The following SIRPA variants were observed in gnomAD, a reference collection of about 807,000 sequenced individuals.
SIRPA encodes the protein signal regulatory protein alpha.
SIRPA carries 9 observed loss-of-function variants against 50.3 expected under a neutral mutation model. The observed-to-expected ratio is 0.18, with a 90% CI of 0.11 to 0.31. SIRPA has a LOEUF of 0.31. Ranked by LOEUF, SIRPA falls within the 10% of genes least tolerant of loss-of-function variation. The probability of loss-of-function intolerance (pLI) is 1.00; values close to 1 mark genes in which losing one functional copy is unlikely to be tolerated. For synonymous variants in SIRPA, 265 were observed against 284.1 expected (o/e 0.93, Z 0.68); for missense variants, 474 against 661.6 (o/e 0.72, Z 3.11).
At chr20:1,902,863 T>G (rs1347531840) in intron 1 of SIRPA, among the ~76,000 whole-genome samples, 1 of 151,902 alleles carries the variant, frequency 6.6e-6, no homozygotes, top group Non-Finnish European at 1.5e-5. Flanking sequence ...AATACAAAAA[T>G]TAGCCGGGCA....
chr20:1,898,035 A>G lies in SIRPA; in HGVS notation c.79+2509A>G, dbSNP rs951599973. ...GCAGGATGCCTGCTTGGCCCCAGGT[A>G]GGCCTTGAGACCTCTGAGTCACCCC... On this transcript the variant is annotated intron_variant, in intron 1 of 7. Coordinates refer to ENST00000358771, the MANE Select transcript of SIRPA (RefSeq NM_001040023.2). The surrounding 1 kb of genome is among the most constrained non-coding windows in gnomAD (Gnocchi z 4.3). Among the ~76,000 whole-genome samples, 178 of 152,318 alleles carry G rather than the reference A, an allele frequency of 1.2e-3. No homozygotes were observed. The highest frequency in any genetic ancestry group is 4.1e-3 in the African/African-American group (172 of 41,568).
Position 1,928,292 on chromosome 20 carries a change from G to A in SIRPA, c.1226+393G>A, listed in dbSNP as rs954404470. 3.9e-5 allele frequency among the ~76,000 whole-genome samples: 6 copies of A among 152,156 alleles called. No homozygotes were observed. Among genetic ancestry groups the A allele is most frequent in the Admixed American group, 1.3e-4 (2 of 15,278 alleles). On this transcript the variant is annotated intron_variant, in intron 6 of 7. Transcript: ENST00000358771. The surrounding 1 kb of genome is among the most constrained non-coding windows in gnomAD (Gnocchi z 4.9). ...TTAGTAAATATTTATTGAGTACCTT[G>A]GCGTGCTGTGACCCTGGAATGCCGG...
intron 6 of SIRPA, among the ~76,000 whole-genome samples, chr20:1,931,345 G>A (rs1986287341): frequency 6.6e-6 from 1 of 152,204 alleles, no homozygotes; most frequent in Non-Finnish European, 1.5e-5. Context: ...CATTCCCGAG[G>A]TCCTGCGGCT....
At chr20:1,899,900 T>G (rs547188840) in intron 1 of SIRPA, among the ~76,000 whole-genome samples, 11 of 152,348 alleles carry the variant, frequency 7.2e-5, no homozygotes, top group African/African-American at 2.6e-4. Flanking sequence ...TTGTATGTAG[T>G]AAGCACTCAA....
intron 7 of SIRPA, among the ~76,000 whole-genome samples, chr20:1,935,268 T>A (rs1986513948): frequency 6.6e-6 from 1 of 152,214 alleles, no homozygotes; most frequent in African/African-American, 2.4e-5. Context: ...AGGTTTCTGG[T>A]CAGCATTGCT....
intron 1 of SIRPA, among the ~76,000 whole-genome samples, chr20:1,902,274 C>CCTGA (rs1454145538): frequency 6.6e-6 from 1 of 152,082 alleles, no homozygotes; most frequent in Non-Finnish European, 1.5e-5. Flanking sequence ...TGAGCTGTTA[C>CCTGA]CTGACCCTCA....
chr20:1,917,480 C>T (rs149235700), intron 2 of SIRPA, among the ~76,000 whole-genome samples: 14 of 152,274 alleles, frequency 9.2e-5, no homozygotes, highest in African/African-American at 3.4e-4. Flanking sequence ...ACGGAGATTA[C>T]AGTGAGCCGA....
At chr20:1,912,901 C>T (rs1293097340) in intron 1 of SIRPA, among the ~76,000 whole-genome samples, 2 of 152,248 alleles carry the variant, frequency 1.3e-5, no homozygotes, top group Admixed American at 1.3e-4. Flanking sequence ...CTCAGTGCTG[C>T]TGGTGCTGCC....
intron 1 of SIRPA, among the ~76,000 whole-genome samples, chr20:1,909,777 C>T (rs1057164698): frequency 2.6e-5 from 4 of 152,006 alleles, no homozygotes; most frequent in Non-Finnish European, 5.9e-5. Context: ...AGTGAGACTT[C>T]GTCTCAAAAG....
intron 2 of SIRPA, 27 bp from the exon 3 acceptor site, chr20:1,921,368 T>A (rs761839844): frequency 1.9e-6 from 3 of 1,611,174 alleles, no homozygotes; most frequent in Non-Finnish European, 2.5e-6. Flanking sequence ...GAGTCATGTC[T>A]CCTGATTATC....
At chr20:1,909,508 G>T (rs1020088551) in intron 1 of SIRPA, among the ~76,000 whole-genome samples, 3 of 152,206 alleles carry the variant, frequency 2.0e-5, no homozygotes, top group African/African-American at 7.2e-5. Context: ...TGGGCAGGGC[G>T]CAGTGGCTCA....
rs1185654533 is a variant in SIRPA, at chr20:1,937,050, G to A, written c.1267-270G>A. Among the ~76,000 whole-genome samples the A allele has an allele frequency of 6.6e-6, 1 of 152,188 alleles. No individual in the cohort carries two copies. On this transcript the variant is annotated intron_variant, in intron 7 of 7. Transcript: ENST00000358771. This position sits in a 1 kb window ranked among gnomAD's most constrained non-coding sequence, Gnocchi z 8.3. Reference sequence around the variant, plus strand: ...AGGCTAGGAGGAGGCAGGAACGGGAGGAGGTGACACTGAGGCGGGGCTGTG... The same window carrying A: ...AGGCTAGGAGGAGGCAGGAACGGGAAGAGGTGACACTGAGGCGGGGCTGTG...
chr20:1,894,900 A>AGCGGCCGGGACTGCGGGCC (rs1342857914), upstream of SIRPA: 2 of 145,168 alleles, frequency 1.4e-5, no homozygotes, highest in Non-Finnish European at 3.1e-5. The surrounding 1 kb of genome is among the most constrained non-coding windows in gnomAD (Gnocchi z 4.0). Flanking sequence ...GGGCGGGGGC[A>AGCGGCCGGGACTGCGGGCC]GCGGCCGGGA....
At chr20:1,895,654 T>C in intron 1 of SIRPA, 128 bp downstream of exon 1, 1 of 700,382 alleles carries the variant, frequency 1.4e-6, no homozygotes, top group Non-Finnish European at 2.1e-6. Context: ...TAACCAGGGT[T>C]ATAGATGCAG....
chr20:1,915,870 G>A (rs1985255167), intron 2 of SIRPA, among the ~76,000 whole-genome samples: 2 of 152,222 alleles, frequency 1.3e-5, no homozygotes, highest in Non-Finnish European at 2.9e-5. Flanking sequence ...CCTACTGTGT[G>A]CCAGGCTCCG....
chr20:1,930,481 CT>C (rs879154176), intron 6 of SIRPA, among the ~76,000 whole-genome samples: 1 of 152,272 alleles, frequency 6.6e-6, no homozygotes, highest in Admixed American at 6.5e-5. Context: ...TCCTAAACCA[CT>C]GTAGCACGTC....
intron 5 of SIRPA, among the ~76,000 whole-genome samples, chr20:1,925,117 G>A (rs1032846206): frequency 5.9e-5 from 9 of 152,152 alleles, no homozygotes; most frequent in African/African-American, 1.9e-4. Flanking sequence ...TGTCCTCAAG[G>A]GGCCACTACT....
chr20:1,914,035 C>A (rs1202583488), intron 1 of SIRPA, among the ~76,000 whole-genome samples: 1 of 152,150 alleles, frequency 6.6e-6, no homozygotes, highest in African/African-American at 2.4e-5. Flanking sequence ...CAGTGTGTCC[C>A]CATCACAGTG....
intron 7 of SIRPA, among the ~76,000 whole-genome samples, chr20:1,935,590 G>GA (rs1986532644): frequency 6.6e-6 from 1 of 152,178 alleles, no homozygotes; most frequent in African/African-American, 2.4e-5. Context: ...TTGTAATTAA[G>GA]AAAAAACAAT....
Sources: gnomAD v4.1 joint callset for allele counts (sites outside exome capture counted in the v4.1 genomes callset) on GRCh38, gnomAD v4.1.1 for gene constraint, Gnocchi (gnomAD v3.1) non-coding constraint, MANE v1.5 for transcripts, NCBI Gene and HGNC (gene_info 2026-07-23, HGNC 2026-07-21) for gene names.